Variants in CTNND2 observed in about 807,000 individuals in gnomAD.
The protein encoded by CTNND2 is catenin delta-2.
Under a neutral mutation model 144.4 loss-of-function variants are expected in CTNND2, and 22 were observed. That is an observed-to-expected ratio of 0.15 (90% CI 0.11 to 0.22). The LOEUF is 0.22. CTNND2 is among the 10% of genes least tolerant of loss of function. The pLI is 1.00. For synonymous variants in CTNND2, 751 were observed against 695.6 expected (o/e 1.08, Z -1.25); for missense variants, 1,353 against 1,618.8 (o/e 0.84, Z 2.82).
At chr5:11,665,057 A>T (rs2126581901) in intron 2 of CTNND2, among the ~76,000 whole-genome samples, 1 of 152,300 alleles carries the variant, frequency 6.6e-6, no homozygotes, top group East Asian at 1.9e-4. Context: ...GCATCAAAAG[A>T]TGCTGATGGT....
intron 1 of CTNND2, among the ~76,000 whole-genome samples, chr5:11,809,746 C>CA (rs1792215821): frequency 6.6e-6 from 1 of 152,010 alleles, no homozygotes; most frequent in African/African-American, 2.4e-5. Flanking sequence ...AGAGGAGAAC[C>CA]AAAAAACAAC....
chr5:11,020,432 GT>G (rs1742118435), intron 17 of CTNND2, among the ~76,000 whole-genome samples: 1 of 151,932 alleles, frequency 6.6e-6, no homozygotes, highest in South Asian at 2.1e-4. Context: ...ATAAGCTATG[GT>G]GTATTTGTAT....
chr5:11,798,021 G>C lies in CTNND2; in HGVS notation c.38-65749C>G, dbSNP rs541600921. ...GCCTGTAATCCTAGCATTTTGGGAG[G>C]CCAAGGTGGGCAGATCACCTGAGGT... On this transcript the variant is annotated intron_variant, in intron 1 of 21. Coordinates refer to ENST00000304623, the MANE Select transcript of CTNND2 (RefSeq NM_001332.4). Among the ~76,000 whole-genome samples the C allele has an allele frequency of 1.4e-4, 22 of 152,166 alleles. No homozygotes were observed. The East Asian group carries it at 4.3e-3, about 29-fold the overall frequency.
chr5:11,797,215 G>A (rs1791451179), intron 1 of CTNND2, among the ~76,000 whole-genome samples: 1 of 152,140 alleles, frequency 6.6e-6, no homozygotes, highest in Non-Finnish European at 1.5e-5. Context: ...CACCACAATT[G>A]AATGAGTGAT....
intron 9 of CTNND2, among the ~76,000 whole-genome samples, chr5:11,328,493 G>A (rs1381196191): frequency 6.6e-6 from 1 of 151,848 alleles, no homozygotes; most frequent in African/African-American, 2.4e-5. Flanking sequence ...TTGTAGAGAT[G>A]GGGTTTGTCA....
chr5:11,333,888 C>T (rs922607747), intron 9 of CTNND2, among the ~76,000 whole-genome samples: 5 of 152,184 alleles, frequency 3.3e-5, no homozygotes, highest in South Asian at 2.1e-4. Context: ...ACTGGTCATA[C>T]GGGCCAGCTC....
chr5:11,095,089 C>A (rs957443827), intron 15 of CTNND2, among the ~76,000 whole-genome samples: 1 of 152,170 alleles, frequency 6.6e-6, no homozygotes, highest in Non-Finnish European at 1.5e-5. Flanking sequence ...AGAAGAGACT[C>A]TTAAAATATA....
chr5:11,706,350 G>T (rs944391464), intron 2 of CTNND2, among the ~76,000 whole-genome samples: 6 of 152,180 alleles, frequency 3.9e-5, no homozygotes, highest in African/African-American at 1.4e-4. Context: ...AATCAAGGTG[G>T]TAAAATATGG....
intron 15 of CTNND2, among the ~76,000 whole-genome samples, chr5:11,086,467 C>A (rs191814190): frequency 2.0e-5 from 3 of 152,160 alleles, no homozygotes; most frequent in Non-Finnish European, 2.9e-5. Context: ...AATGTGGCCA[C>A]GCTTGCAGAC....
chr5:11,434,598 C>A (rs1365010283), intron 3 of CTNND2, among the ~76,000 whole-genome samples: 1 of 151,988 alleles, frequency 6.6e-6, no homozygotes, highest in Non-Finnish European at 1.5e-5. Flanking sequence ...TGTGACTTTC[C>A]ACGAAATGCA....
chr5:11,085,833 G>C (rs776927094), intron 15 of CTNND2, among the ~76,000 whole-genome samples: 1 of 152,144 alleles, frequency 6.6e-6, no homozygotes, highest in Non-Finnish European at 1.5e-5. Flanking sequence ...GGATAAGGGG[G>C]ACTGAGGATG....
chr5:11,401,191 C>A (rs1760619733), intron 5 of CTNND2, among the ~76,000 whole-genome samples: 1 of 152,102 alleles, frequency 6.6e-6, no homozygotes, highest in Non-Finnish European at 1.5e-5. Flanking sequence ...TCAATACAGA[C>A]ACTATATAAC....
intron 2 of CTNND2, among the ~76,000 whole-genome samples, chr5:11,647,611 C>T (rs938033281): frequency 5.3e-5 from 8 of 151,948 alleles, no homozygotes. Context: ...GTTTCTATGA[C>T]AACTCACACC....
chr5:11,899,257 G>C (rs1358976185), intron 1 of CTNND2, among the ~76,000 whole-genome samples: 4 of 152,198 alleles, frequency 2.6e-5, no homozygotes, highest in African/African-American at 4.8e-5. Context: ...TGACCTCACA[G>C]AGAGTGATGC....
At chr5:11,666,189 G>A (rs1461649433) in intron 2 of CTNND2, among the ~76,000 whole-genome samples, 1 of 152,276 alleles carries the variant, frequency 6.6e-6, no homozygotes, top group East Asian at 1.9e-4. Context: ...CAAAGTTTGT[G>A]CACTGCCAAA....
chr5:11,600,323 A>G (rs1193291042), intron 2 of CTNND2, among the ~76,000 whole-genome samples: 1 of 152,216 alleles, frequency 6.6e-6, no homozygotes, highest in Non-Finnish European at 1.5e-5. Context: ...AAAATTTTGT[A>G]TTATATGTAT....
intron 9 of CTNND2, among the ~76,000 whole-genome samples, chr5:11,247,908 T>C (rs896811371): frequency 6.6e-6 from 1 of 152,128 alleles, no homozygotes; most frequent in African/African-American, 2.4e-5. Flanking sequence ...ACTTTTTCAA[T>C]AAAAATATGC....
At chr5:11,629,697 G>T (rs922916288) in intron 2 of CTNND2, among the ~76,000 whole-genome samples, 1 of 151,988 alleles carries the variant, frequency 6.6e-6, no homozygotes, top group Non-Finnish European at 1.5e-5. Context: ...TAGAGACATG[G>T]TCTTGCTCTG....
chr5:11,763,517 G>C (rs577283505), intron 1 of CTNND2, among the ~76,000 whole-genome samples: 5 of 152,266 alleles, frequency 3.3e-5, no homozygotes, highest in African/African-American at 1.2e-4. Context: ...CAATTGACCA[G>C]AGAAACTCTT....
Sources: gnomAD v4.1 joint callset for allele counts (sites outside exome capture counted in the v4.1 genomes callset) on GRCh38, gnomAD v4.1.1 for gene constraint, MANE v1.5 for transcripts, NCBI Gene and HGNC (gene_info 2026-07-23, HGNC 2026-07-21) for gene names.